Variants in ORC5 observed in about 807,000 individuals in gnomAD.
ORC5 encodes the protein origin recognition complex subunit 5, also known as protein phosphatase 1, regulatory subunit 117.
A neutral mutation model predicts 58.8 loss-of-function variants in ORC5; 39 were observed. The observed-to-expected ratio is 0.66, with a 90% confidence interval of 0.51 to 0.87. The LOEUF (loss-of-function observed/expected upper bound fraction) is 0.87. Among genes scored for constraint, ORC5 ranks in the 40% least tolerant of loss-of-function variants. ORC5 has a pLI of 0.00. For synonymous variants in ORC5, 218 were observed against 177.6 expected (o/e 1.23, Z -1.81); for missense variants, 493 against 506.3 (o/e 0.97, Z 0.25).
Position 104,165,269 on chromosome 7 carries a change from A to AT in ORC5, c.1003dup (p.Ile335AsnfsTer34), listed in dbSNP as rs1276905868. The AT allele has an allele frequency of 2.0e-6, 3 of 1,531,256 alleles. No homozygotes were observed. The highest frequency in any genetic ancestry group is 2.7e-6 in the Non-Finnish European group (3 of 1,119,216). The allele number at this position is 1,531,256 out of a possible 1,614,324, so 94.9% of individuals were successfully genotyped here. A position where few individuals can be genotyped will look rare whatever the true frequency, so the allele number is the denominator to read the frequency against. The stretch of plus-strand genomic sequence containing the variant: ...TTTTTTTAGAAAGTTGGTTTTCTTG[A>AT]TTTTTCCATGATGCTGCAATTAAGG... On this transcript the variant is annotated frameshift_variant, in exon 11 of 14. Transcript: ENST00000297431. LOFTEE classifies it high-confidence loss of function.
intron 2 of ORC5, among the ~76,000 whole-genome samples, chr7:104,201,836 G>C (rs1799951670): frequency 6.6e-6 from 1 of 152,056 alleles, no homozygotes; most frequent in South Asian, 2.1e-4. Context: ...GCTCCTGCCT[G>C]TAATCCCAGT....
At chr7:104,141,384 C>T (rs1346705147) in intron 12 of ORC5, among the ~76,000 whole-genome samples, 1 of 152,146 alleles carries the variant, frequency 6.6e-6, no homozygotes, top group African/African-American at 2.4e-5. Flanking sequence ...CATTCAGATT[C>T]CACACTTAAT....
intron 12 of ORC5, among the ~76,000 whole-genome samples, chr7:104,154,544 A>G (rs1457512492): frequency 2.0e-5 from 3 of 152,014 alleles, no homozygotes; most frequent in Non-Finnish European, 2.9e-5. Context: ...TGGCTGCACC[A>G]GCACAAATGA....
At chr7:104,192,731 T>C (rs962169810) in intron 5 of ORC5, among the ~76,000 whole-genome samples, 10 of 151,748 alleles carry the variant, frequency 6.6e-5, no homozygotes, top group Non-Finnish European at 1.5e-4. Flanking sequence ...GTAACTGAAT[T>C]AGTACACAAG....
chr7:104,174,085 C>T (rs1172270516), intron 8 of ORC5, among the ~76,000 whole-genome samples: 1 of 151,898 alleles, frequency 6.6e-6, no homozygotes, highest in African/African-American at 2.4e-5. Flanking sequence ...ACCTCGTGAT[C>T]CGCCCGCCTC....
rs113432339 is a variant in ORC5, at chr7:104,188,225, T to C, written c.684+26A>G. 40 of 1,537,306 alleles carry C rather than the reference T, an allele frequency of 2.6e-5. No individual in the cohort carries two copies. The African/African-American group carries it at 5.5e-4, about 21-fold the overall frequency. ...ACACACACACACACACACATATATA[T>C]ATATTCAAGCAAAATGTTCATTTAC... On this transcript the variant is annotated intron_variant, in intron 6 of 13. Coordinates refer to ENST00000297431, the MANE Select transcript of ORC5 (RefSeq NM_002553.4).
chr7:104,143,514 T>C (rs1798706875), intron 12 of ORC5, among the ~76,000 whole-genome samples: 1 of 152,172 alleles, frequency 6.6e-6, no homozygotes, highest in African/African-American at 2.4e-5. Flanking sequence ...ATGTAAATTG[T>C]GCAAAGAATA....
At chr7:104,195,719 T>A (rs1799785604) in intron 4 of ORC5, among the ~76,000 whole-genome samples, 1 of 152,194 alleles carries the variant, frequency 6.6e-6, no homozygotes, top group Non-Finnish European at 1.5e-5. Flanking sequence ...TGAATTTATT[T>A]CTAGAGGGGT....
chr7:104,157,408 AC>A (rs1168711583), intron 12 of ORC5, among the ~76,000 whole-genome samples: 1 of 152,078 alleles, frequency 6.6e-6, no homozygotes, highest in Admixed American at 6.6e-5. Flanking sequence ...GTATAGCAAT[AC>A]TTTAAATATA....
chr7:104,172,962 T>C (rs576421310), intron 8 of ORC5, among the ~76,000 whole-genome samples: 2 of 149,578 alleles, frequency 1.3e-5, no homozygotes, highest in South Asian at 4.3e-4. Flanking sequence ...TAGTACTGAC[T>C]TTCCTATAGC....
chr7:104,143,161 T>C (rs1017226630), intron 12 of ORC5, among the ~76,000 whole-genome samples: 1 of 152,218 alleles, frequency 6.6e-6, no homozygotes, highest in African/African-American at 2.4e-5. Context: ...AGTACTTTTT[T>C]TTTAATACAG....
At chr7:104,203,585 G>T (rs1799999543) in intron 2 of ORC5, among the ~76,000 whole-genome samples, 1 of 152,146 alleles carries the variant, frequency 6.6e-6, no homozygotes, top group Non-Finnish European at 1.5e-5. Flanking sequence ...TTGTCACTAT[G>T]AGCCAACTTT....
intron 12 of ORC5, among the ~76,000 whole-genome samples, chr7:104,148,616 G>A (rs1798798068): frequency 6.6e-6 from 1 of 152,276 alleles, no homozygotes; most frequent in East Asian, 1.9e-4. Flanking sequence ...AGATGTATGA[G>A]TTTGATGTCA....
At chr7:104,164,957 A>G (rs1799082425) in intron 11 of ORC5, among the ~76,000 whole-genome samples, 1 of 152,200 alleles carries the variant, frequency 6.6e-6, no homozygotes, top group South Asian at 2.1e-4. Context: ...CCTGTATTCA[A>G]TTGGCTGTAT....
Position 104,146,045 on chromosome 7 carries a change from A to C in ORC5, c.1150-9152T>G, listed in dbSNP as rs553939485. Among the ~76,000 whole-genome samples, 35 of 152,380 alleles carry C rather than the reference A, an allele frequency of 2.3e-4. No homozygotes were observed. The South Asian group carries it at 6.6e-3, about 29-fold the overall frequency. On this transcript the variant is annotated intron_variant, in intron 12 of 13. Transcript: ENST00000297431. ...AAAGAAGAGCAAAAGGAAGTTCTTC[A>C]AACAAAAGGAAATAATAAAAGTGAA...
chr7:104,147,899 CT>C (rs140632751), intron 12 of ORC5, among the ~76,000 whole-genome samples: 3,373 of 152,224 alleles, frequency 0.022, 128 homozygotes, highest in African/African-American at 0.077. Context: ...GTGCTTTTAT[CT>C]TTTTTTCTGC....
In ORC5 at chr7:104,183,034, C is replaced by T. The variant is rs141835314; in HGVS notation, c.824+909G>A. Among the ~76,000 whole-genome samples, 19 of 152,236 alleles carry T rather than the reference C, an allele frequency of 1.2e-4. 1 individual carries two copies. In the East Asian group the frequency reaches 3.7e-3, roughly 29 times the overall value. On this transcript the variant is annotated intron_variant, in intron 8 of 13. Coordinates refer to ENST00000297431, the MANE Select transcript of ORC5 (RefSeq NM_002553.4). ...CCTGTAATCCCAGCTACTCGAGGGG[C>T]TGAGGCAGGAGATTCACTTGAACCC... is the stretch of plus-strand genomic sequence containing the variant.
intron 6 of ORC5, among the ~76,000 whole-genome samples, chr7:104,186,316 T>C (rs1799542969): frequency 6.6e-6 from 1 of 152,120 alleles, no homozygotes; most frequent in Non-Finnish European, 1.5e-5. Context: ...TACACTCAGG[T>C]TCTGCGGAGT....
At chr7:104,197,036 T>C (rs1235048971) in intron 4 of ORC5, among the ~76,000 whole-genome samples, 1 of 152,208 alleles carries the variant, frequency 6.6e-6, no homozygotes, top group Non-Finnish European at 1.5e-5. Flanking sequence ...GCCCCTGTCC[T>C]TTTCTTATTG....
Sources: allele counts gnomAD v4.1 joint callset (sites outside exome capture counted in the v4.1 genomes callset), GRCh38; gene constraint gnomAD v4.1.1; transcripts MANE v1.5; gene names NCBI Gene and HGNC (gene_info 2026-07-23, HGNC 2026-07-21).